The following LRMDA variants were observed in gnomAD, a reference collection of about 807,000 sequenced individuals.
LRMDA encodes the protein leucine-rich melanocyte differentiation-associated protein.
A neutral mutation model predicts 29.8 loss-of-function variants in LRMDA; 18 were observed. The observed-to-expected ratio is 0.60, with a 90% CI of 0.42 to 0.90. The LOEUF (loss-of-function observed/expected upper bound fraction) is 0.90, where lower values mean the gene tolerates loss of function less well. LRMDA is among the 40% of genes least tolerant of loss of function. The pLI, the probability that LRMDA is intolerant of heterozygous loss-of-function variation, is 0.00. For synonymous variants in LRMDA, 125 were observed against 109.4 expected, an observed-to-expected ratio of 1.14 and a Z score of -0.89; for missense variants, 273 against 273.9, an observed-to-expected ratio of 1.00 and a Z score of 0.02.
chr10:76,314,265 T>G (rs1840664555), intron 5 of LRMDA, among the ~76,000 whole-genome samples: 1 of 152,152 alleles, frequency 6.6e-6, no homozygotes, highest in Admixed American at 6.5e-5. Context: ...GAAATGGAAT[T>G]TTGCCATGTT....
chr10:76,390,165 T>C (rs1841706015), intron 6 of LRMDA, among the ~76,000 whole-genome samples: 1 of 152,224 alleles, frequency 6.6e-6, no homozygotes, highest in Admixed American at 6.5e-5. Context: ...TTTTCTGATT[T>C]TTGCTTGTTT....
At chr10:76,087,907 A>C (rs1435799187) in intron 5 of LRMDA, among the ~76,000 whole-genome samples, 1 of 152,138 alleles carries the variant, frequency 6.6e-6, no homozygotes, top group Non-Finnish European at 1.5e-5. Flanking sequence ...GGATTGCTTG[A>C]GCCTGGGAGT....
intron 2 of LRMDA, among the ~76,000 whole-genome samples, chr10:75,506,136 T>C (rs1386540792): frequency 6.6e-6 from 1 of 152,162 alleles, no homozygotes; most frequent in Non-Finnish European, 1.5e-5. Flanking sequence ...TTTCATTTCT[T>C]AGTAGTACTC....
At chr10:75,749,074 C>T (rs910826610) in intron 2 of LRMDA, among the ~76,000 whole-genome samples, 3 of 152,060 alleles carry the variant, frequency 2.0e-5, no homozygotes, top group African/African-American at 7.2e-5. Context: ...AGACCAACCC[C>T]CACTTCTTCC....
chr10:75,910,517 T>G (rs951148176), intron 2 of LRMDA, among the ~76,000 whole-genome samples: 5 of 152,218 alleles, frequency 3.3e-5, no homozygotes, highest in African/African-American at 1.2e-4. Flanking sequence ...AGTATTTTGC[T>G]GTCACTCTAG....
At chr10:75,537,144 CT>C (rs1233455769) in intron 2 of LRMDA, among the ~76,000 whole-genome samples, 1 of 152,108 alleles carries the variant, frequency 6.6e-6, no homozygotes, top group Non-Finnish European at 1.5e-5. Context: ...TGCTGAAGAG[CT>C]TTCTTTTTAC....
intron 2 of LRMDA, among the ~76,000 whole-genome samples, chr10:75,632,392 AGTGTT>A (rs1841335027): frequency 6.6e-6 from 1 of 152,126 alleles, no homozygotes; most frequent in Admixed American, 6.5e-5. Context: ...AAAAGAAAAG[AGTGTT>A]GTGTTATCTC....
intron 5 of LRMDA, among the ~76,000 whole-genome samples, chr10:76,165,730 C>A (rs868161382): frequency 7.2e-5 from 11 of 152,260 alleles, no homozygotes; most frequent in Admixed American, 3.9e-4. Context: ...TATAAAACCA[C>A]CAGATATCGT....
intron 2 of LRMDA, among the ~76,000 whole-genome samples, chr10:75,540,677 A>G (rs1176751900): frequency 6.6e-6 from 1 of 152,200 alleles, no homozygotes; most frequent in Non-Finnish European, 1.5e-5. Flanking sequence ...GTGTTCTCAT[A>G]TACTTTGAAT....
At chr10:76,216,967 T>G (rs1851739746) in intron 5 of LRMDA, among the ~76,000 whole-genome samples, 1 of 152,202 alleles carries the variant, frequency 6.6e-6, no homozygotes, top group Non-Finnish European at 1.5e-5. Flanking sequence ...GACAATATTG[T>G]ATATCTTGTA....
At chr10:75,570,286 C>T (rs80168874) in intron 2 of LRMDA, among the ~76,000 whole-genome samples, 1 of 152,194 alleles carries the variant, frequency 6.6e-6, no homozygotes, top group Non-Finnish European at 1.5e-5. Flanking sequence ...AGGTTAAAAG[C>T]ACTATACTGA....
At position 76,253,865 on chromosome 10, in the gene LRMDA, T is replaced by A. The variant is rs377462810; in HGVS notation, c.517-70536T>A. 3.9e-5 allele frequency among the ~76,000 whole-genome samples: 6 copies of A among 152,298 alleles called. No individual in the cohort carries two copies. The East Asian group carries it at 1.2e-3, about 29-fold the overall frequency. ...GGCATCTCCTATGTCTCATAAGCTCTCTAGGGCCTCATTCTTCCATTTCTT... is the reference window on the plus strand; with the variant it reads ...GGCATCTCCTATGTCTCATAAGCTCACTAGGGCCTCATTCTTCCATTTCTT... On this transcript the variant is annotated intron_variant, in intron 5 of 6. Coordinates refer to ENST00000611255, the MANE Select transcript of LRMDA (RefSeq NM_001305581.2).
chr10:75,756,272 T>A (rs1238426029), intron 2 of LRMDA, among the ~76,000 whole-genome samples: 1 of 152,236 alleles, frequency 6.6e-6, no homozygotes, highest in East Asian at 1.9e-4. Flanking sequence ...TGCGTAGGAC[T>A]TCCAGAAAGT....
At chr10:75,807,375 G>A (rs1348656713) in intron 2 of LRMDA, among the ~76,000 whole-genome samples, 2 of 152,230 alleles carry the variant, frequency 1.3e-5, no homozygotes, top group African/African-American at 2.4e-5. Context: ...CCTGGTGAGC[G>A]ATGGGGCAGG....
At chr10:76,211,306 C>T (rs75095556) in intron 5 of LRMDA, among the ~76,000 whole-genome samples, 106 of 152,304 alleles carry the variant, frequency 7.0e-4, no homozygotes, top group African/African-American at 2.5e-3. Flanking sequence ...TTCACAGTGC[C>T]TGACTCACAT....
At chr10:76,023,809 T>C (rs1446872402) in intron 2 of LRMDA, among the ~76,000 whole-genome samples, 1 of 152,272 alleles carries the variant, frequency 6.6e-6, no homozygotes, top group Non-Finnish European at 1.5e-5. Context: ...GTTTAGCCAC[T>C]GACCTGCTTC....
intron 2 of LRMDA, among the ~76,000 whole-genome samples, chr10:75,832,781 A>G (rs1844367830): frequency 6.6e-6 from 1 of 152,220 alleles, no homozygotes; most frequent in Non-Finnish European, 1.5e-5. Flanking sequence ...GGATGGTAGC[A>G]GGCAAAGAGA....
Position 76,241,721 on chromosome 10 carries a change from G to C in LRMDA, c.517-82680G>C, listed in dbSNP as rs1852280293. On this transcript the variant is annotated intron_variant, in intron 5 of 6. Coordinates refer to ENST00000611255, the MANE Select transcript of LRMDA (RefSeq NM_001305581.2). ...CAGCAGTACAATTGGGGAATGCCCT[G>C]GTGAATAACACTGCCTGACCCCCAT... Among the ~76,000 whole-genome samples, 3 of 152,230 alleles carry C rather than the reference G, an allele frequency of 2.0e-5. No individual in the cohort carries two copies. The South Asian group carries it at 6.2e-4, about 32-fold the overall frequency.
At chr10:76,499,584 G>C (rs866893817) in intron 6 of LRMDA, among the ~76,000 whole-genome samples, 1 of 74,852 alleles carries the variant, frequency 1.3e-5, no homozygotes, top group Non-Finnish European at 4.4e-5. Context: ...TGAAAAATTA[G>C]TAAAATTATT....
Sources: gnomAD v4.1 joint callset for allele counts (sites outside exome capture counted in the v4.1 genomes callset) on GRCh38, gnomAD v4.1.1 for gene constraint, MANE v1.5 for transcripts, NCBI Gene and HGNC (gene_info 2026-07-23, HGNC 2026-07-21) for gene names.